DOCK3: variants seen among roughly 807,000 people sequenced by gnomAD.
The protein encoded by DOCK3 is dedicator of cytokinesis 3, also known as dedicator of cytokinesis protein 3.
DOCK3 carries 60 observed loss-of-function variants against 265.6 expected under a neutral mutation model. The ratio of observed to expected loss-of-function variants is 0.23; its 90% confidence interval spans 0.18 to 0.28. The LOEUF is 0.28. DOCK3 is among the 10% of genes least tolerant of loss of function. The probability of loss-of-function intolerance (pLI) is 1.00; values close to 1 mark genes in which losing one functional copy is unlikely to be tolerated. For synonymous variants in DOCK3, 881 were observed against 938.0 expected (o/e 0.94, Z 1.11); for missense variants, 1,981 against 2,594.3 (o/e 0.76, Z 5.14).
chr3:51,089,639 T>C (rs2109551404), intron 8 of DOCK3, among the ~76,000 whole-genome samples: 2 of 152,214 alleles, frequency 1.3e-5, no homozygotes, highest in South Asian at 4.2e-4. Context: ...CTGGGCGTGG[T>C]GGCTCATGCC....
intron 1 of DOCK3, among the ~76,000 whole-genome samples, chr3:50,716,577 A>G (rs1304911244): frequency 6.6e-6 from 1 of 150,744 alleles, no homozygotes; most frequent in African/African-American, 2.4e-5. Flanking sequence ...AAAATTATAT[A>G]TATATATTTA....
chr3:50,696,082 C>T (rs1322740735), intron 1 of DOCK3, among the ~76,000 whole-genome samples: 1 of 152,196 alleles, frequency 6.6e-6, no homozygotes, highest in Non-Finnish European at 1.5e-5. Context: ...CATTTGATAT[C>T]TCTGTGTCTA....
intron 27 of DOCK3, among the ~76,000 whole-genome samples, chr3:51,290,032 A>G (rs1429448332): frequency 6.6e-6 from 1 of 152,164 alleles, no homozygotes; most frequent in Non-Finnish European, 1.5e-5. Context: ...AAGTCAGGAA[A>G]CAACAGGTGC....
At chr3:50,931,784 G>C (rs1414588911) in intron 4 of DOCK3, among the ~76,000 whole-genome samples, 2 of 152,232 alleles carry the variant, frequency 1.3e-5, no homozygotes. Flanking sequence ...TACATGGCTG[G>C]TGGAGCCGAG....
At chr3:50,900,715 C>T (rs2049146663) in intron 4 of DOCK3, 1 of 451,190 alleles carries the variant, frequency 2.2e-6, no homozygotes, top group African/African-American at 2.0e-5. Flanking sequence ...TGTTAGTTTT[C>T]CTTCCAATGG....
chr3:50,833,093 G>A (rs1288597063), intron 2 of DOCK3, among the ~76,000 whole-genome samples: 2 of 152,062 alleles, frequency 1.3e-5, no homozygotes, highest in Non-Finnish European at 2.9e-5. Context: ...AGCTGATATG[G>A]GGCTGCTAGC....
chr3:51,203,841 A>G (rs2088981370), intron 12 of DOCK3, among the ~76,000 whole-genome samples: 1 of 152,236 alleles, frequency 6.6e-6, no homozygotes, highest in Non-Finnish European at 1.5e-5. Flanking sequence ...AACAGAACAG[A>G]GCCCTCAGAA....
chr3:51,357,696 T>A (rs1198233124), intron 44 of DOCK3, 62 bp from the exon 45 acceptor site: 19 of 1,569,476 alleles, frequency 1.2e-5, no homozygotes, highest in Non-Finnish European at 1.6e-5. Context: ...TCAAGTCTCC[T>A]GGGCCCCACT....
Position 51,310,336 on chromosome 3 carries a change from G to C in DOCK3, c.3017+10G>C, listed in dbSNP as rs1162517951. ...GACTGCTCACAAGCAAGTAAGTATGGAAGGGCTCTGTATCAGCATCACTGA... is the reference window on the plus strand; with the variant it reads ...GACTGCTCACAAGCAAGTAAGTATGCAAGGGCTCTGTATCAGCATCACTGA... On this transcript the variant is annotated intron_variant, in intron 28 of 52. Transcript: ENST00000266037. 1 of 1,577,056 alleles carries C rather than the reference G, an allele frequency of 6.3e-7. No homozygotes were observed. The highest frequency in any genetic ancestry group is 8.6e-7 in the Non-Finnish European group (1 of 1,158,322).
intron 27 of DOCK3, among the ~76,000 whole-genome samples, chr3:51,298,540 A>G (rs1427054944): frequency 6.6e-6 from 1 of 151,976 alleles, no homozygotes; most frequent in Admixed American, 6.6e-5. Flanking sequence ...CGCATTAGCT[A>G]TTTTTCGTAA....
At chr3:51,301,918 G>A (rs756755283) in intron 27 of DOCK3, among the ~76,000 whole-genome samples, 1 of 152,146 alleles carries the variant, frequency 6.6e-6, no homozygotes, top group Non-Finnish European at 1.5e-5. Flanking sequence ...TTGTTTTTGG[G>A]TGGAGAGTTC....
chr3:50,746,178 C>T (rs577275853), intron 1 of DOCK3, among the ~76,000 whole-genome samples: 90 of 146,700 alleles, frequency 6.1e-4, no homozygotes, highest in Non-Finnish European at 1.1e-3. Flanking sequence ...GGTACAATCT[C>T]GGCTCACTGC....
At chr3:50,852,702 T>G (rs901564902) in intron 3 of DOCK3, among the ~76,000 whole-genome samples, 2 of 152,174 alleles carry the variant, frequency 1.3e-5, no homozygotes, top group Non-Finnish European at 2.9e-5. Context: ...TGTTGATGTT[T>G]TAAAAAATCA....
intron 5 of DOCK3, among the ~76,000 whole-genome samples, chr3:50,947,493 G>A (rs1356704646): frequency 1.3e-5 from 2 of 152,076 alleles, no homozygotes; most frequent in African/African-American, 2.4e-5. Flanking sequence ...GAGGAATTGC[G>A]TTAATACAAT....
At chr3:51,159,331 G>A (rs1241430284) in intron 11 of DOCK3, 27 bp downstream of exon 11, 4 of 1,604,712 alleles carry the variant, frequency 2.5e-6, no homozygotes, top group Middle Eastern at 1.7e-4. Context: ...CCATTCACAT[G>A]ACTAAGAATG....
intron 3 of DOCK3, among the ~76,000 whole-genome samples, chr3:50,866,426 G>T (rs1473623968): frequency 6.6e-6 from 1 of 151,920 alleles, no homozygotes; most frequent in Admixed American, 6.5e-5. Flanking sequence ...CAGAGGTTGT[G>T]GTTAGCTGAG....
At chr3:50,933,706 T>A (rs577356717) in intron 4 of DOCK3, among the ~76,000 whole-genome samples, 1 of 152,142 alleles carries the variant, frequency 6.6e-6, no homozygotes, top group Non-Finnish European at 1.5e-5. Context: ...GGAAAAAAGC[T>A]TAGAGTCTGT....
At chr3:50,903,838 A>G (rs981546091) in intron 4 of DOCK3, among the ~76,000 whole-genome samples, 5 of 151,930 alleles carry the variant, frequency 3.3e-5, no homozygotes, top group Admixed American at 1.3e-4. Context: ...ATATTTATAT[A>G]TGTGCCGTGT....
chr3:51,084,249 A>G lies in DOCK3; in HGVS notation c.550-4994A>G, dbSNP rs187829496. Among the ~76,000 whole-genome samples the G allele has an allele frequency of 4.3e-3, 654 of 152,298 alleles. 2 individuals carry two copies. Among genetic ancestry groups the G allele is most frequent in the Non-Finnish European group, 6.3e-3 (430 of 68,022 alleles). ...ATACAGAAAGCTCAAATATCCCCAA[A>G]TAGATGTAATCTAATAAGATTTTAA... On this transcript the variant is annotated intron_variant, in intron 7 of 52. Transcript: ENST00000266037.
Sources: gnomAD v4.1 joint callset for allele counts (sites outside exome capture counted in the v4.1 genomes callset) on GRCh38, gnomAD v4.1.1 for gene constraint, MANE v1.5 for transcripts, NCBI Gene and HGNC (gene_info 2026-07-23, HGNC 2026-07-21) for gene names.